The following SNX13 variants were observed in gnomAD, a reference collection of about 807,000 sequenced individuals.
SNX13 encodes sorting nexin-13.
Under a neutral mutation model 133.6 loss-of-function variants are expected in SNX13, and 45 were observed. The observed-to-expected ratio is 0.34, with a 90% confidence interval of 0.27 to 0.43. SNX13 has a LOEUF of 0.43. Among genes scored for constraint, SNX13 ranks in the 20% least tolerant of loss-of-function variants. The probability of loss-of-function intolerance (pLI) is 1.00; values close to 1 mark genes in which losing one functional copy is unlikely to be tolerated. For synonymous variants in SNX13, 414 were observed against 373.9 expected, an observed-to-expected ratio of 1.11 and a Z score of -1.24; for missense variants, 1,032 against 1,145.1, an observed-to-expected ratio of 0.90 and a Z score of 1.43.
chr7:17,900,476 A>T (rs1024679635), intron 1 of SNX13, among the ~76,000 whole-genome samples: 1 of 152,194 alleles, frequency 6.6e-6, no homozygotes, highest in Admixed American at 6.5e-5. Flanking sequence ...AACCTCAGGA[A>T]TCTACCTGCT....
intron 1 of SNX13, among the ~76,000 whole-genome samples, chr7:17,921,417 C>G (rs898126620): frequency 6.6e-6 from 1 of 152,152 alleles, no homozygotes; most frequent in African/African-American, 2.4e-5. Flanking sequence ...AACTTTCCCT[C>G]TAGGATCACT....
chr7:17,911,078 A>G (rs1201814508), intron 1 of SNX13, among the ~76,000 whole-genome samples: 3 of 152,186 alleles, frequency 2.0e-5, no homozygotes, highest in Non-Finnish European at 4.4e-5. Context: ...TAAAAAACAA[A>G]ACAAAACAAA....
intron 20 of SNX13, among the ~76,000 whole-genome samples, chr7:17,806,238 G>C (rs1785281287): frequency 6.6e-6 from 1 of 152,084 alleles, no homozygotes; most frequent in Admixed American, 6.5e-5. Flanking sequence ...TGGATAGAAA[G>C]ATACTGTGTA....
chr7:17,801,122 G>T (rs923542137), intron 22 of SNX13, among the ~76,000 whole-genome samples: 1 of 146,780 alleles, frequency 6.8e-6, no homozygotes, highest in Non-Finnish European at 1.5e-5. Context: ...AGACATGTAC[G>T]AATGTTCATA....
rs377055119 is a variant in SNX13 at position 17,845,650 on chromosome 7, G to A, written c.1110C>T (p.Cys370=). The A allele has an allele frequency of 2.4e-4, 377 of 1,603,272 alleles. No homozygotes were observed. The highest frequency in any genetic ancestry group is 2.3e-3 in the Middle Eastern group (14 of 6,042). Reference sequence around the variant, plus strand: ...CAAGAATGCTGTCCAGGGGGACTGTGCAAAGTTTCCCAAAGTTTGCTGCAA... The same window carrying A: ...CAAGAATGCTGTCCAGGGGGACTGTACAAAGTTTCCCAAAGTTTGCTGCAA... ...VKLAANFGKL[C]TVPLDSILVD... Residue 370 remains cysteine, a synonymous_variant, in exon 12 of 26, where the codon TGC becomes TGT. Coordinates refer to ENST00000428135, the MANE Select transcript of SNX13 (RefSeq NM_015132.5).
intron 15 of SNX13, chr7:17,832,635 C>A: frequency 4.0e-6 from 1 of 247,848 alleles, no homozygotes; most frequent in Non-Finnish European, 6.4e-6. Context: ...AGAGTAAGTA[C>A]AGATATATAG....
intron 1 of SNX13, among the ~76,000 whole-genome samples, chr7:17,912,840 GACCCTC>G (rs1210614799): frequency 1.2e-4 from 18 of 152,284 alleles, no homozygotes. Context: ...GTGGGGAAAG[GACCCTC>G]ACAGTCAGAA....
At chr7:17,825,658 T>C (rs1291280563) in intron 17 of SNX13, among the ~76,000 whole-genome samples, 1 of 152,144 alleles carries the variant, frequency 6.6e-6, no homozygotes, top group African/African-American at 2.4e-5. Context: ...AGCCTGACTT[T>C]GTATATATGA....
chr7:17,844,000 C>T (rs1262654609), intron 12 of SNX13, among the ~76,000 whole-genome samples: 1 of 151,430 alleles, frequency 6.6e-6, no homozygotes, highest in East Asian at 1.9e-4. Context: ...AGCTTTTTAA[C>T]TTTACAACAT....
chr7:17,859,592 A>C (rs965876026), intron 9 of SNX13, among the ~76,000 whole-genome samples: 1 of 152,130 alleles, frequency 6.6e-6, no homozygotes, highest in African/African-American at 2.4e-5. Context: ...CAGTGGTATA[A>C]ACTATTAGAA....
intron 1 of SNX13, among the ~76,000 whole-genome samples, chr7:17,910,916 A>G (rs1210520462): frequency 6.6e-6 from 1 of 152,206 alleles, no homozygotes; most frequent in Non-Finnish European, 1.5e-5. Context: ...GGCTTAATGG[A>G]TACAGTCTTC....
chr7:17,797,325 A>G (rs752922279), intron 24 of SNX13, among the ~76,000 whole-genome samples: 9 of 151,830 alleles, frequency 5.9e-5, no homozygotes, highest in Non-Finnish European at 1.3e-4. Context: ...AGAGTTTAAT[A>G]GCTATCTCCT....
At chr7:17,816,404 G>A in intron 18 of SNX13, 115 bp from the exon 19 acceptor site, 7 of 1,267,322 alleles carry the variant, frequency 5.5e-6, no homozygotes, top group South Asian at 1.4e-5. Context: ...GCTCACGCCT[G>A]TAATCCCAGC....
At chr7:17,802,227 T>C (rs558284754) in intron 21 of SNX13, among the ~76,000 whole-genome samples, 2 of 152,168 alleles carry the variant, frequency 1.3e-5, no homozygotes, top group Admixed American at 1.3e-4. Flanking sequence ...GTAAGTTCAC[T>C]CTATGATGCT....
intron 9 of SNX13, among the ~76,000 whole-genome samples, chr7:17,851,787 C>T (rs1791245277): frequency 6.6e-6 from 1 of 151,846 alleles, no homozygotes; most frequent in African/African-American, 2.4e-5. Context: ...AGTGTGAGAT[C>T]CCATTAAATA....
chr7:17,868,881 C>T (rs181851089), intron 8 of SNX13, among the ~76,000 whole-genome samples: 2 of 152,110 alleles, frequency 1.3e-5, no homozygotes, highest in Admixed American at 1.3e-4. Context: ...TTTAGAACTA[C>T]TACCAAGGGA....
At chr7:17,801,489 T>A (rs1784642775) in intron 22 of SNX13, 99 bp downstream of exon 22, 10 of 816,956 alleles carry the variant, frequency 1.2e-5, no homozygotes, top group Admixed American at 5.7e-5. Context: ...ACTTATAATA[T>A]GTGCACATTA....
At chr7:17,807,105 A>G (rs1055471199) in intron 20 of SNX13, among the ~76,000 whole-genome samples, 1 of 151,974 alleles carries the variant, frequency 6.6e-6, no homozygotes, top group Non-Finnish European at 1.5e-5. Context: ...ACCGACACAG[A>G]ACCGTTCACT....
chr7:17,913,141 CCT>C (rs2128023113), intron 1 of SNX13, among the ~76,000 whole-genome samples: 1 of 152,262 alleles, frequency 6.6e-6, no homozygotes, highest in African/African-American at 2.4e-5. Flanking sequence ...AGGGACTGCC[CCT>C]GAGGGAGAAG....
Sources: allele counts gnomAD v4.1 joint callset (sites outside exome capture counted in the v4.1 genomes callset), GRCh38; gene constraint gnomAD v4.1.1; transcripts MANE v1.5; gene names NCBI Gene and HGNC (gene_info 2026-07-23, HGNC 2026-07-21).